RBFOX1: variants seen among roughly 807,000 people sequenced by gnomAD.
RBFOX1 encodes the protein RNA binding fox-1 homolog 1, also known as RNA binding protein fox-1 homolog 1.
A neutral mutation model predicts 57.7 loss-of-function variants in RBFOX1; 8 were observed. The ratio of observed to expected loss-of-function variants is 0.14; its 90% CI spans 0.08 to 0.25. The LOEUF is 0.25. RBFOX1 is among the 10% of genes least tolerant of loss of function. The pLI is 1.00. For synonymous variants in RBFOX1, 326 were observed against 222.4 expected, an observed-to-expected ratio of 1.47 and a Z score of -4.15; for missense variants, 611 against 548.5, an observed-to-expected ratio of 1.11 and a Z score of -1.14.
At chr16:5,575,908 G>T (rs984908667) in intron 2 of RBFOX1, among the ~76,000 whole-genome samples, 1 of 151,610 alleles carries the variant, frequency 6.6e-6, no homozygotes, top group East Asian at 1.9e-4. Context: ...AATGGGTCAC[G>T]CATGTTTGCA....
intron 3 of RBFOX1, among the ~76,000 whole-genome samples, chr16:6,882,539 T>C (rs891597764): frequency 1.3e-5 from 2 of 152,006 alleles, no homozygotes; most frequent in African/African-American, 4.8e-5. Context: ...GAGGTTGCAG[T>C]GAGCTGAGAT....
intron 2 of RBFOX1, among the ~76,000 whole-genome samples, chr16:6,387,487 C>G (rs553676573): frequency 1.5e-4 from 19 of 124,974 alleles, no homozygotes; most frequent in Non-Finnish European, 3.2e-4. Context: ...AAAAAAAAAA[C>G]CTTTTGAAGA....
intron 5 of RBFOX1, among the ~76,000 whole-genome samples, chr16:7,570,162 ACT>A (rs1491568584): frequency 4.2e-5 from 5 of 120,078 alleles, no homozygotes; most frequent in African/African-American, 1.6e-4. Flanking sequence ...TTAAAATTTT[ACT>A]TTTTTTTTTT....
chr16:5,695,952 C>G (rs565527318), intron 3 of RBFOX1, among the ~76,000 whole-genome samples: 1 of 151,896 alleles, frequency 6.6e-6, no homozygotes, highest in African/African-American at 2.4e-5. Flanking sequence ...AGAATTTGCC[C>G]CTAAATCCAA....
At chr16:5,270,978 A>T in intron 1 of RBFOX1, 1 of 337,550 alleles carries the variant, frequency 3.0e-6, no homozygotes, top group Non-Finnish European at 5.5e-6. Flanking sequence ...AACAGTGGCA[A>T]ATAAAAAGCC....
chr16:7,690,969 C>A (rs1431260777), intron 14 of RBFOX1, among the ~76,000 whole-genome samples: 2 of 152,244 alleles, frequency 1.3e-5, no homozygotes, highest in South Asian at 2.1e-4. Context: ...CTGTTAATTG[C>A]ACTTACCGAT....
At chr16:6,810,069 C>G (rs185822687) in intron 3 of RBFOX1, among the ~76,000 whole-genome samples, 83 of 147,680 alleles carry the variant, frequency 5.6e-4, no homozygotes, top group African/African-American at 1.9e-3. Flanking sequence ...ATGCTCTGGT[C>G]TGATGGGGTC....
At chr16:7,437,989 T>G (rs543696278) in intron 4 of RBFOX1, among the ~76,000 whole-genome samples, 1 of 152,146 alleles carries the variant, frequency 6.6e-6, no homozygotes, top group Non-Finnish European at 1.5e-5. Flanking sequence ...AGGATGCACT[T>G]TAGAAGTCCA....
chr16:5,707,960 G>A (rs557128753), intron 3 of RBFOX1, among the ~76,000 whole-genome samples: 1 of 152,270 alleles, frequency 6.6e-6, no homozygotes, highest in South Asian at 2.1e-4. Flanking sequence ...TCACTAGGTA[G>A]GGACCATAAT....
At chr16:6,883,457 A>C (rs918906412) in intron 3 of RBFOX1, among the ~76,000 whole-genome samples, 1 of 152,192 alleles carries the variant, frequency 6.6e-6, no homozygotes, top group Non-Finnish European at 1.5e-5. Flanking sequence ...ATTTTATTTG[A>C]TTGCACTAGC....
At chr16:5,599,080 C>T (rs761938112) in exon 3 of RBFOX1, 4 of 954,598 alleles carry the variant, frequency 4.2e-6, no homozygotes, top group African/African-American at 3.3e-5. Flanking sequence ...ACTGATCTTG[C>T]TGGAGAATTA....
intron 4 of RBFOX1, among the ~76,000 whole-genome samples, chr16:7,196,316 A>G (rs2086679762): frequency 6.6e-6 from 1 of 152,166 alleles, no homozygotes; most frequent in Non-Finnish European, 1.5e-5. Flanking sequence ...CATCCTGAAG[A>G]TGTCTCAGGG....
chr16:6,218,100 C>G (rs1045077359), intron 1 of RBFOX1, among the ~76,000 whole-genome samples: 5 of 152,154 alleles, frequency 3.3e-5, no homozygotes, highest in East Asian at 3.9e-4. Context: ...GTGTCCTTCC[C>G]TTTGGTGCTG....
intron 4 of RBFOX1, among the ~76,000 whole-genome samples, chr16:7,300,386 G>C (rs1357678375): frequency 6.6e-6 from 1 of 152,188 alleles, no homozygotes; most frequent in Non-Finnish European, 1.5e-5. Context: ...TTTTGATACA[G>C]ATAAATAATA....
At chr16:6,148,210 C>T (rs1287075325) in intron 1 of RBFOX1, among the ~76,000 whole-genome samples, 1 of 152,166 alleles carries the variant, frequency 6.6e-6, no homozygotes, top group Admixed American at 6.5e-5. Context: ...ACCTGTAATC[C>T]CAGCTACTTG....
intron 3 of RBFOX1, among the ~76,000 whole-genome samples, chr16:6,934,102 C>T (rs2076992335): frequency 6.6e-6 from 1 of 152,150 alleles, no homozygotes; most frequent in African/African-American, 2.4e-5. Flanking sequence ...AGGTAGTTGG[C>T]AATGCTCCTC....
chr16:7,292,199 T>C (rs2095796875), intron 4 of RBFOX1, among the ~76,000 whole-genome samples: 1 of 121,836 alleles, frequency 8.2e-6, no homozygotes, highest in Non-Finnish European at 1.6e-5. Flanking sequence ...ATAGAACGTA[T>C]TATATATCAT....
chr16:6,483,985 G>T (rs1013881678), intron 2 of RBFOX1: 1 of 1,015,396 alleles, frequency 9.8e-7, no homozygotes. Flanking sequence ...GTGCCCCGTG[G>T]TGGGGGTGGT....
At chr16:6,250,495 T>C (rs1414871778) in intron 1 of RBFOX1, among the ~76,000 whole-genome samples, 1 of 152,154 alleles carries the variant, frequency 6.6e-6, no homozygotes, top group Non-Finnish European at 1.5e-5. Flanking sequence ...GTACATGGCT[T>C]GGCAATGTAT....
Sources: gnomAD v4.1 joint callset for allele counts (sites outside exome capture counted in the v4.1 genomes callset) on GRCh38, gnomAD v4.1.1 for gene constraint, MANE v1.5 for transcripts, NCBI Gene and HGNC (gene_info 2026-07-23, HGNC 2026-07-21) for gene names.